The following ERCC6L2 variants were observed in gnomAD, a reference collection of about 807,000 sequenced individuals.
The protein encoded by ERCC6L2 is ERCC excision repair 6 like 2.
Under a neutral mutation model 132.0 loss-of-function variants are expected in ERCC6L2, and 77 were observed. That is an observed-to-expected ratio of 0.58 (90% confidence interval 0.49 to 0.71). The LOEUF is 0.71. Ranked by LOEUF, ERCC6L2 falls within the 30% of genes least tolerant of loss-of-function variation. The pLI, the probability that ERCC6L2 is intolerant of heterozygous loss-of-function variation, is 0.00. For missense variants in ERCC6L2, 1,542 were observed against 1,837.6 expected, an observed-to-expected ratio of 0.84 and a Z score of 2.94; for synonymous variants, 583 against 632.4, an observed-to-expected ratio of 0.92 and a Z score of 1.17.
intron 17 of ERCC6L2, among the ~76,000 whole-genome samples, chr9:95,993,834 C>G (rs1374656971): frequency 6.6e-6 from 1 of 152,216 alleles, no homozygotes; most frequent in Non-Finnish European, 1.5e-5. Context: ...TCATCTCCCT[C>G]TCTCCCCAGA....
At chr9:95,929,620 A>T (rs1830250136) in intron 11 of ERCC6L2, among the ~76,000 whole-genome samples, 1 of 152,254 alleles carries the variant, frequency 6.6e-6, no homozygotes, top group African/African-American at 2.4e-5. Context: ...AAATATACTT[A>T]TGAATGAGCC....
chr9:95,969,088 C>G (rs1355239115), intron 14 of ERCC6L2, among the ~76,000 whole-genome samples: 1 of 151,878 alleles, frequency 6.6e-6, no homozygotes, highest in Admixed American at 6.6e-5. Flanking sequence ...ATGCAGAGGT[C>G]CTGAGGGAGG....
chr9:95,963,147 C>CTGTGTG (rs34128119), intron 13 of ERCC6L2, among the ~76,000 whole-genome samples: 29 of 148,622 alleles, frequency 2.0e-4, no homozygotes, highest in East Asian at 1.4e-3. Flanking sequence ...GTCATCTCGT[C>CTGTGTG]TGTGTGTGTG....
At chr9:95,929,548 A>T (rs182862645) in intron 11 of ERCC6L2, among the ~76,000 whole-genome samples, 3 of 150,692 alleles carry the variant, frequency 2.0e-5, no homozygotes, top group African/African-American at 7.5e-5. Flanking sequence ...AAAAATAAAC[A>T]TATATAAAAT....
rs573203064 is a variant in ERCC6L2 at position 95,880,874 on chromosome 9, T to C, written c.52T>C (p.Trp18Arg). 1.6e-5 allele frequency: 25 copies of C among 1,604,450 alleles called. No homozygotes were observed. In the East Asian group the frequency reaches 4.0e-4, roughly 26 times the overall value. ...TATTTTCTTTATTCTTGCAGACATA[T>C]GGCATCCAGGAGAAAGATGTCTTGC... ...PRAETSGKDI[W>R]HPGERCLAPS... The change falls in exon 2 of 19, where the codon TGG becomes CGG. Residue 18 changes from tryptophan (W) to arginine (R), a missense_variant. By Grantham distance (101) the Trp-to-Arg change is moderately radical. Around this residue, in one of 4 missense-constraint regions of ERCC6L2, gnomAD observed 153 missense variants for 132.3 expected, o/e 1.16. Transcript: ENST00000653738.
At position 95,978,207 on chromosome 9, in the gene ERCC6L2, A is replaced by G. The variant is rs780786939; in HGVS notation, c.3484A>G (p.Ser1162Gly). ...GCTGCCTGCTAACATAGCTGTTTGCAGTTCTAAGGTAAGAAAAATATAGGG... is the reference window on the plus strand; with the variant it reads ...GCTGCCTGCTAACATAGCTGTTTGCGGTTCTAAGGTAAGAAAAATATAGGG... The part of the protein sequence containing the change: ...SQLPANIAVC[S>G]SKTYKEKVDA... The change falls in exon 17 of 19, where the codon AGT becomes GGT. Residue 1162 changes from serine (S) to glycine (G), a missense_variant. Coordinates refer to ENST00000653738, the MANE Select transcript of ERCC6L2 (RefSeq NM_020207.7). The G allele has an allele frequency of 7.3e-6, 10 of 1,363,764 alleles. No homozygotes were observed. The Admixed American group carries it at 1.9e-4, about 26-fold the overall frequency. The allele number at this position is 1,363,764 out of a possible 1,614,324, so 84.5% of individuals were successfully genotyped here. A position where few individuals can be genotyped will look rare whatever the true frequency, so the allele number is the denominator to read the frequency against.
chr9:95,971,447 G>T (rs1832409452), intron 15 of ERCC6L2: 1 of 152,112 alleles, frequency 6.6e-6, no homozygotes, highest in African/African-American at 2.4e-5. Flanking sequence ...TATTTCTGGT[G>T]ATCAAGATCC....
intron 18 of ERCC6L2, 68 bp downstream of exon 18, chr9:96,004,769 A>C (rs1044418714): frequency 1.0e-6 from 1 of 1,001,952 alleles, no homozygotes; most frequent in Non-Finnish European, 1.4e-6. Flanking sequence ...CATTAGTAAA[A>C]TATGTAAATA....
At chr9:95,950,071 A>G (rs73534701) in intron 12 of ERCC6L2, among the ~76,000 whole-genome samples, 3,820 of 152,218 alleles carry the variant, frequency 0.025, 169 homozygotes, top group African/African-American at 0.088. Context: ...AAAGTACACT[A>G]GACAGTAACT....
intron 17 of ERCC6L2, among the ~76,000 whole-genome samples, chr9:95,986,417 A>G (rs1352411456): frequency 6.6e-6 from 1 of 151,670 alleles, no homozygotes; most frequent in Non-Finnish European, 1.5e-5. Context: ...CCAGATAACT[A>G]CTGCAACTCA....
intron 17 of ERCC6L2, among the ~76,000 whole-genome samples, chr9:95,980,574 C>T (rs1157303886): frequency 6.6e-6 from 1 of 152,132 alleles, no homozygotes; most frequent in Admixed American, 6.5e-5. Flanking sequence ...TGTTCCCAAT[C>T]ACTGATTTCA....
intron 17 of ERCC6L2, among the ~76,000 whole-genome samples, chr9:95,981,986 C>T (rs1220089576): frequency 1.3e-5 from 2 of 152,154 alleles, no homozygotes; most frequent in Non-Finnish European, 2.9e-5. Context: ...CTGTGACCAA[C>T]TCTAAGAAAC....
In ERCC6L2 at chr9:95,890,986, G is replaced by A. The variant is rs1159043647; in HGVS notation, c.472-6863G>A. On this transcript the variant is annotated intron_variant, in intron 2 of 18. Coordinates refer to ENST00000653738, the MANE Select transcript of ERCC6L2 (RefSeq NM_020207.7). ...CCAGCACTTTGGGAGGCTAAGGTGGGCAGATCACCAGTGGTCGGGAGTTCA... is the reference window on the plus strand; with the variant it reads ...CCAGCACTTTGGGAGGCTAAGGTGGACAGATCACCAGTGGTCGGGAGTTCA... 2.6e-5 allele frequency among the ~76,000 whole-genome samples: 4 copies of A among 152,330 alleles called. 1 individual carries two copies. Among genetic ancestry groups the A allele is most frequent in the South Asian group, 4.1e-4 (2 of 4,830 alleles).
intron 11 of ERCC6L2, among the ~76,000 whole-genome samples, chr9:95,937,021 A>G (rs912002461): frequency 6.6e-6 from 1 of 152,166 alleles, no homozygotes; most frequent in Non-Finnish European, 1.5e-5. Flanking sequence ...TTATACATTC[A>G]TCTGTTGAAG....
At chr9:96,021,739 G>A (rs948122772), downstream of ERCC6L2, 2 of 151,594 alleles carry the variant, frequency 1.3e-5, no homozygotes, top group Non-Finnish European at 2.9e-5. This position sits in a 1 kb window ranked among gnomAD's most constrained non-coding sequence, Gnocchi z 4.7. Flanking sequence ...TCCCGCGCGC[G>A]TCGCGCCGAG....
intron 2 of ERCC6L2, among the ~76,000 whole-genome samples, chr9:95,883,163 A>G (rs564543556): frequency 2.6e-4 from 40 of 152,190 alleles, no homozygotes; most frequent in Non-Finnish European, 5.1e-4. Context: ...ACAGTGAGAC[A>G]CCAGGCCTCT....
intron 17 of ERCC6L2, among the ~76,000 whole-genome samples, chr9:95,984,159 AT>A (rs1327484457): frequency 6.7e-6 from 1 of 149,942 alleles, no homozygotes; most frequent in Non-Finnish European, 1.5e-5. Context: ...ATATATACAT[AT>A]AATGTATATA....
At chr9:96,035,394 C>A (rs1588070441) in intron 19 of ERCC6L2, among the ~76,000 whole-genome samples, 1 of 152,200 alleles carries the variant, frequency 6.6e-6, no homozygotes, top group Non-Finnish European at 1.5e-5. Flanking sequence ...CCTCTGAGGG[C>A]CATGAAAGCC....
At chr9:95,939,112 T>G (rs1367835250) in intron 11 of ERCC6L2, among the ~76,000 whole-genome samples, 1 of 152,168 alleles carries the variant, frequency 6.6e-6, no homozygotes, top group Admixed American at 6.6e-5. Context: ...GTCTTAGATA[T>G]TTCCTCTACA....
Sources: allele counts gnomAD v4.1 joint callset (sites outside exome capture counted in the v4.1 genomes callset), GRCh38; gene constraint gnomAD v4.1.1; regional missense constraint gnomAD v4.1.1; non-coding constraint Gnocchi (gnomAD v3.1); transcripts MANE v1.5; gene names NCBI Gene and HGNC (gene_info 2026-07-23, HGNC 2026-07-21).